Variants in CDH4 observed in about 807,000 individuals in gnomAD.
The protein encoded by CDH4 is cadherin-4.
CDH4 carries 33 observed loss-of-function variants against 86.0 expected under a neutral mutation model. That is an observed-to-expected ratio of 0.38 (90% CI 0.29 to 0.51). CDH4 has a LOEUF of 0.51. CDH4 is among the 20% of genes least tolerant of loss of function. The pLI is 0.86. For synonymous variants in CDH4, 555 were observed against 549.4 expected, an observed-to-expected ratio of 1.01 and a Z score of -0.14; for missense variants, 1,114 against 1,307.4, an observed-to-expected ratio of 0.85 and a Z score of 2.28.
At chr20:61,855,140 T>C (rs1379188801) in intron 6 of CDH4, among the ~76,000 whole-genome samples, 8 of 86,604 alleles carry the variant, frequency 9.2e-5, no homozygotes, top group East Asian at 3.9e-4. Flanking sequence ...GGGTGAATTG[T>C]GCCCTTGGCC....
intron 2 of CDH4, among the ~76,000 whole-genome samples, chr20:61,526,361 C>T (rs2085910172): frequency 6.6e-6 from 1 of 152,162 alleles, no homozygotes; most frequent in African/African-American, 2.4e-5. Flanking sequence ...GCCTTCCTGA[C>T]ATCCTCGGTG....
At chr20:61,346,911 C>T (rs6028137) in intron 2 of CDH4, among the ~76,000 whole-genome samples, 30,113 of 151,854 alleles carry the variant, frequency 0.2, 2,987 homozygotes, top group Middle Eastern at 0.35. Context: ...CCCATCTGTC[C>T]CTCATCCCCA....
intron 5 of CDH4, among the ~76,000 whole-genome samples, chr20:61,848,162 T>C (rs1982544058): frequency 6.6e-6 from 1 of 152,228 alleles, no homozygotes; most frequent in Non-Finnish European, 1.5e-5. Context: ...ACCAGGGACC[T>C]GGGTCCCACA....
chr20:61,502,440 A>G (rs541078365), intron 2 of CDH4, among the ~76,000 whole-genome samples: 3 of 152,168 alleles, frequency 2.0e-5, no homozygotes, highest in Non-Finnish European at 4.4e-5. Context: ...CTCTTGGTGT[A>G]GCCACTGGTT....
chr20:61,542,267 C>G (rs924011592), intron 2 of CDH4, among the ~76,000 whole-genome samples: 1 of 152,162 alleles, frequency 6.6e-6, no homozygotes, highest in African/African-American at 2.4e-5. Flanking sequence ...GCAGTGCTGA[C>G]CTTCACATGT....
intron 4 of CDH4, among the ~76,000 whole-genome samples, chr20:61,799,597 G>A (rs557368942): frequency 5.8e-4 from 89 of 152,290 alleles, no homozygotes; most frequent in Non-Finnish European, 9.0e-4. Flanking sequence ...GTCCTGGGCT[G>A]CTCCTCCCCA....
chr20:61,316,998 C>T (rs946990260), intron 2 of CDH4, among the ~76,000 whole-genome samples: 6 of 150,246 alleles, frequency 4.0e-5, no homozygotes, highest in Admixed American at 3.9e-4. Flanking sequence ...AAGTCTTGCA[C>T]GTAACCTGCT....
chr20:61,392,400 A>G lies in CDH4; in HGVS notation c.169+137463A>G, dbSNP rs1320048751. Among the ~76,000 whole-genome samples the G allele has an allele frequency of 6.6e-6, 1 of 152,212 alleles. No homozygotes were observed. The highest frequency in any genetic ancestry group is 2.4e-5 in the African/African-American group (1 of 41,462). On this transcript the variant is annotated intron_variant, in intron 2 of 15. Transcript: ENST00000614565. The surrounding 1 kb of genome is among the most constrained non-coding windows in gnomAD (Gnocchi z 5.7). The stretch of plus-strand genomic sequence containing the variant: ...TGATCACAGGGCGCCACCGGGATGG[A>G]ACGCACGGCGCCCCGACGTGATTTT...
chr20:61,661,395 G>A (rs1472921965), intron 2 of CDH4, among the ~76,000 whole-genome samples: 3 of 151,168 alleles, frequency 2.0e-5, no homozygotes, highest in South Asian at 2.1e-4. Context: ...GGAAAATGTC[G>A]CAAACCAAAA....
chr20:61,858,023 ATCTGTGTGTGTGTCTGTGTCTGTGTGTC>A (rs1285238232), intron 6 of CDH4, among the ~76,000 whole-genome samples: 1 of 106,038 alleles, frequency 9.4e-6, no homozygotes, highest in Non-Finnish European at 2.0e-5. Context: ...CTGTGTCTGC[ATCTGTGTGTGTGTCTGTGTCTGTGTGTC>A]TCTGTGTGTG....
intron 2 of CDH4, among the ~76,000 whole-genome samples, chr20:61,425,529 A>G (rs2085208005): frequency 6.6e-6 from 1 of 152,180 alleles, no homozygotes; most frequent in South Asian, 2.1e-4. Context: ...AGCCTAGGAG[A>G]AGGACAGTGG....
chr20:61,538,363 C>T (rs2086013619), intron 2 of CDH4, among the ~76,000 whole-genome samples: 1 of 152,134 alleles, frequency 6.6e-6, no homozygotes, highest in Admixed American at 6.5e-5. Flanking sequence ...GGAGAGGAAT[C>T]GCATCAAGTC....
At chr20:61,661,824 G>A (rs182872279) in intron 2 of CDH4, among the ~76,000 whole-genome samples, 3 of 152,182 alleles carry the variant, frequency 2.0e-5, no homozygotes, top group African/African-American at 2.4e-5. Flanking sequence ...CAGGTCTCTG[G>A]CAGGTGCGGA....
At chr20:61,860,177 C>T (rs931340807) in intron 6 of CDH4, among the ~76,000 whole-genome samples, 63 of 152,360 alleles carry the variant, frequency 4.1e-4, no homozygotes, top group African/African-American at 1.5e-3. Context: ...CATTCTGGCT[C>T]AAAATATCAG....
At chr20:61,334,570 C>T (rs958963362) in intron 2 of CDH4, among the ~76,000 whole-genome samples, 7 of 152,190 alleles carry the variant, frequency 4.6e-5, no homozygotes, top group Admixed American at 1.3e-4. Flanking sequence ...CTTCCCTGAC[C>T]GTGCCTGTTG....
At chr20:61,864,664 A>AG (rs1387092609) in intron 6 of CDH4, among the ~76,000 whole-genome samples, 1 of 152,194 alleles carries the variant, frequency 6.6e-6, no homozygotes, top group Non-Finnish European at 1.5e-5. Flanking sequence ...CCCAGAGCCA[A>AG]GCCCTTGCCA....
chr20:61,337,357 G>A (rs55646225), intron 2 of CDH4, among the ~76,000 whole-genome samples: 1 of 147,316 alleles, frequency 6.8e-6, no homozygotes, highest in Non-Finnish European at 1.5e-5. Flanking sequence ...TAACAATGGT[G>A]ATGATGATGA....
chr20:61,933,270 C>G, intron 14 of CDH4, 146 bp downstream of exon 14: 1 of 1,017,306 alleles, frequency 9.8e-7, no homozygotes, highest in Non-Finnish European at 1.4e-6. Flanking sequence ...GCACGGTTTC[C>G]TAGCCTGGGC....
At chr20:61,560,805 A>T (rs889166615) in intron 2 of CDH4, among the ~76,000 whole-genome samples, 2 of 152,198 alleles carry the variant, frequency 1.3e-5, no homozygotes, top group Non-Finnish European at 2.9e-5. Context: ...CAGTCTGTCC[A>T]TCCGGGGATA....
Sources: allele counts gnomAD v4.1 joint callset (sites outside exome capture counted in the v4.1 genomes callset), GRCh38; gene constraint gnomAD v4.1.1; non-coding constraint Gnocchi (gnomAD v3.1); transcripts MANE v1.5; gene names NCBI Gene and HGNC (gene_info 2026-07-23, HGNC 2026-07-21).